CEP112: variants seen among roughly 807,000 people sequenced by gnomAD.
The protein encoded by CEP112 is centrosomal protein of 112 kDa.
Under a neutral mutation model 153.0 loss-of-function variants are expected in CEP112, and 127 were observed. The observed-to-expected ratio is 0.83, with a 90% CI of 0.72 to 0.96. The LOEUF (loss-of-function observed/expected upper bound fraction) is 0.96. Among genes scored for constraint, CEP112 ranks in the 40% least tolerant of loss-of-function variants. The probability of loss-of-function intolerance (pLI) is 0.00; values close to 1 mark genes in which losing one functional copy is unlikely to be tolerated. For synonymous variants in CEP112, 358 were observed against 374.4 expected, an observed-to-expected ratio of 0.96 and a Z score of 0.51; for missense variants, 1,089 against 1,101.2, an observed-to-expected ratio of 0.99 and a Z score of 0.16.
At chr17:65,874,154 T>A (rs1368596566) in intron 20 of CEP112, among the ~76,000 whole-genome samples, 1 of 152,152 alleles carries the variant, frequency 6.6e-6, no homozygotes, top group African/African-American at 2.4e-5. Flanking sequence ...TCATTTCCAT[T>A]GAAAATGATA....
intron 20 of CEP112, among the ~76,000 whole-genome samples, chr17:65,894,729 C>G (rs2059601685): frequency 1.3e-5 from 2 of 152,052 alleles, no homozygotes; most frequent in African/African-American, 4.8e-5. Context: ...GATTCTTACT[C>G]TGGGCACTCC....
chr17:66,027,436 A>C, intron 16 of CEP112, 65 bp downstream of exon 16: 2 of 1,263,024 alleles, frequency 1.6e-6, no homozygotes, highest in Non-Finnish European at 2.1e-6. Flanking sequence ...TTTCATAAAA[A>C]TCAGTCTGCA....
intron 21 of CEP112, among the ~76,000 whole-genome samples, chr17:65,791,368 G>A (rs1207063945): frequency 2.0e-5 from 3 of 152,178 alleles, no homozygotes; most frequent in African/African-American, 7.2e-5. Flanking sequence ...CAGCCACCAG[G>A]ATCTTGTGGC....
intron 23 of CEP112, among the ~76,000 whole-genome samples, chr17:65,735,376 C>G (rs1462941657): frequency 6.6e-6 from 1 of 152,120 alleles, no homozygotes; most frequent in East Asian, 1.9e-4. Flanking sequence ...AGACAGCCAT[C>G]CTACTTCAGT....
intron 18 of CEP112, among the ~76,000 whole-genome samples, chr17:65,936,214 C>T (rs137869660): frequency 6.6e-6 from 1 of 152,120 alleles, no homozygotes; most frequent in Non-Finnish European, 1.5e-5. Flanking sequence ...TCTGAACAGA[C>T]CAGCAATGAC....
At chr17:66,190,758 G>A (rs1162575888) in intron 1 of CEP112, among the ~76,000 whole-genome samples, 2 of 152,020 alleles carry the variant, frequency 1.3e-5, no homozygotes, top group African/African-American at 4.8e-5. Flanking sequence ...TACAAAATGG[G>A]CTTACCTACC....
chr17:66,137,245 A>G (rs1273739100), intron 4 of CEP112, among the ~76,000 whole-genome samples: 2 of 152,166 alleles, frequency 1.3e-5, no homozygotes, highest in Non-Finnish European at 2.9e-5. Context: ...CAAGTACAAG[A>G]AAGAATCAGT....
chr17:66,175,003 A>G, intron 4 of CEP112, 41 bp downstream of exon 4: 2 of 1,374,848 alleles, frequency 1.5e-6, no homozygotes. Context: ...AAGACAGACT[A>G]AATGATGAAA....
chr17:65,998,265 C>T (rs1598055153), intron 17 of CEP112, among the ~76,000 whole-genome samples: 1 of 151,298 alleles, frequency 6.6e-6, no homozygotes, highest in African/African-American at 2.4e-5. Context: ...TGCCTGTGGT[C>T]CCAGCTCCTC....
chr17:66,165,572 T>A (rs2071919611), intron 4 of CEP112, among the ~76,000 whole-genome samples: 1 of 152,256 alleles, frequency 6.6e-6, no homozygotes, highest in African/African-American at 2.4e-5. Context: ...TATAATGTTA[T>A]ATAGTATCAT....
chr17:65,905,263 A>G (rs1034450029), intron 19 of CEP112, among the ~76,000 whole-genome samples: 1 of 152,142 alleles, frequency 6.6e-6, no homozygotes, highest in Non-Finnish European at 1.5e-5. Flanking sequence ...ACAAGAAAAA[A>G]AACAACCCCA....
At chr17:65,894,310 T>C (rs2059588145) in intron 20 of CEP112, among the ~76,000 whole-genome samples, 2 of 152,096 alleles carry the variant, frequency 1.3e-5, no homozygotes, top group African/African-American at 4.8e-5. Flanking sequence ...GCAAAATAGC[T>C]CTAGGATGAA....
rs113513721 is a variant in CEP112 at position 65,970,811 on chromosome 17, C to G, written c.1737-9213G>C. On this transcript the variant is annotated intron_variant, in intron 17 of 26. Coordinates refer to ENST00000535342, the MANE Select transcript of CEP112 (RefSeq NM_001199165.4). ...AAATGTATATTGCACATGTGTATGG[C>G]GCATGTATATTGCATGCATGCACAT... 4.6e-5 allele frequency among the ~76,000 whole-genome samples: 2 copies of G among 43,418 alleles called. 1 individual carries two copies. The allele number at this position is 43,418 out of a possible 152,430, so 28.5% of individuals were successfully genotyped here.
At chr17:66,107,900 T>G (rs1322517893) in intron 6 of CEP112, among the ~76,000 whole-genome samples, 1 of 152,042 alleles carries the variant, frequency 6.6e-6, no homozygotes, top group African/African-American at 2.4e-5. Context: ...CAAACTATAG[T>G]ACAAAGCTAC....
intron 18 of CEP112, among the ~76,000 whole-genome samples, chr17:65,941,932 T>C (rs1048846186): frequency 6.6e-6 from 1 of 152,038 alleles, no homozygotes; most frequent in Non-Finnish European, 1.5e-5. Context: ...TACAGACAAG[T>C]GTGAGCCACC....
rs1169609158 is a variant in CEP112, at chr17:66,027,360, G to C, written c.1656+141C>G. ...CCACTGCACTCCAGCCTGGGTGACA[G>C]AGCAAGACTCTGTCTAAAAAAAAAG... is the stretch of plus-strand genomic sequence containing the variant. On this transcript the variant is annotated intron_variant, in intron 16 of 26. Coordinates refer to ENST00000535342, the MANE Select transcript of CEP112 (RefSeq NM_001199165.4). 5 of 796,438 alleles carry C rather than the reference G, an allele frequency of 6.3e-6. No homozygotes were observed. The African/African-American group carries it at 7.5e-5, about 12-fold the overall frequency. 49.3% of individuals were successfully genotyped at this position (796,438 alleles called of 1,614,324 possible).
intron 21 of CEP112, among the ~76,000 whole-genome samples, chr17:65,781,302 C>G (rs1291905549): frequency 6.6e-6 from 1 of 152,080 alleles, no homozygotes; most frequent in Non-Finnish European, 1.5e-5. Flanking sequence ...GGGGAAAGAT[C>G]TCTGCGAGGA....
At chr17:65,800,559 G>T (rs1035117969) in intron 21 of CEP112, among the ~76,000 whole-genome samples, 1 of 152,164 alleles carries the variant, frequency 6.6e-6, no homozygotes, top group Non-Finnish European at 1.5e-5. Flanking sequence ...TATGAATCAT[G>T]CTGCTTTGAA....
At chr17:65,787,804 T>G (rs2054359118) in intron 21 of CEP112, among the ~76,000 whole-genome samples, 2 of 152,220 alleles carry the variant, frequency 1.3e-5, no homozygotes, top group African/African-American at 4.8e-5. Flanking sequence ...TTCCAATAGT[T>G]TACTGATCCA....
Sources: allele counts gnomAD v4.1 joint callset (sites outside exome capture counted in the v4.1 genomes callset), GRCh38; gene constraint gnomAD v4.1.1; transcripts MANE v1.5; gene names NCBI Gene and HGNC (gene_info 2026-07-23, HGNC 2026-07-21).